TTLL3: variants seen among roughly 807,000 people sequenced by gnomAD.
The protein encoded by TTLL3 is tubulin monoglycylase TTLL3.
A neutral mutation model predicts 75.2 loss-of-function variants in TTLL3; 63 were observed. The ratio of observed to expected loss-of-function variants is 0.84; its 90% CI spans 0.68 to 1.03. The LOEUF (loss-of-function observed/expected upper bound fraction) is 1.03, where lower values mean the gene tolerates loss of function less well. Among genes scored for constraint, TTLL3 ranks in the 50% least tolerant of loss-of-function variants. The probability of loss-of-function intolerance (pLI) is 0.00; values close to 1 mark genes in which losing one functional copy is unlikely to be tolerated. For missense variants in TTLL3, 997 were observed against 1,069.9 expected (o/e 0.93, Z 0.95); for synonymous variants, 393 against 418.5 (o/e 0.94, Z 0.74).
chr3:9,810,702 C>T lies in TTLL3; in HGVS notation c.41C>T (p.Ala14Val), dbSNP rs1448815631. ...AACGCCAAAATCTACGTGGAGAGAGCTGTCAAGGTCAGAGGAGGGGCAGGG... is the reference window on the plus strand; with the variant it reads ...AACGCCAAAATCTACGTGGAGAGAGTTGTCAAGGTCAGAGGAGGGGCAGGG... ...LRNAKIYVERAVKQKKIFTIQ... is the reference protein window; with the variant it reads ...LRNAKIYVERVVKQKKIFTIQ... The change falls in exon 2 of 14, where the codon GCT becomes GTT. Residue 14 changes from alanine (A) to valine (V), a missense_variant. Ala to Val is a moderately conservative substitution (Grantham distance 64, BLOSUM62 0). Transcript: ENST00000685419. This position sits in a 1 kb window ranked among gnomAD's most constrained non-coding sequence, Gnocchi z 4.4. 3 of 1,585,796 alleles carry T rather than the reference C, an allele frequency of 1.9e-6. No homozygotes were observed. Among genetic ancestry groups the T allele is most frequent in the Admixed American group, 1.8e-5 (1 of 54,708 alleles).
chr3:9,827,064 G>A lies in TTLL3; in HGVS notation c.1071G>A (p.Lys357=), dbSNP rs1210605698. 1 of 1,614,230 alleles carries A rather than the reference G, an allele frequency of 6.2e-7. No homozygotes were observed. Among genetic ancestry groups the A allele is most frequent in the Admixed American group, 1.7e-5 (1 of 60,028 alleles). The change falls in exon 10 of 14, where the codon AAG becomes AAA. Residue 357 remains lysine, a synonymous_variant. Transcript: ENST00000685419. Reference sequence around the variant, plus strand: ...TGAACGGCAACCCCGTGGTGATGAAGGACGGCAAGTGGGTGGTGCAGAAGT... The same window carrying A: ...TGAACGGCAACCCCGTGGTGATGAAAGACGGCAAGTGGGTGGTGCAGAAGT... ...KLVNGNPVVM[K]DGKWVVQKYI...
At chr3:9,819,214 G>A in intron 7 of TTLL3, 1 of 417,276 alleles carries the variant, frequency 2.4e-6, no homozygotes, top group Non-Finnish European at 4.4e-6. Context: ...TCTACCTGAT[G>A]TCAGCTCCAT....
chr3:9,828,052 G>A (rs1048239319), intron 10 of TTLL3: 2 of 148,728 alleles, frequency 1.3e-5, no homozygotes, highest in Non-Finnish European at 3.0e-5. Context: ...CGTGACAGGA[G>A]AATTGCTTGA....
At chr3:9,830,597 C>T (rs1470143241) in intron 11 of TTLL3, among the ~76,000 whole-genome samples, 2 of 152,034 alleles carry the variant, frequency 1.3e-5, no homozygotes, top group South Asian at 4.2e-4. Context: ...AAAATGTAAA[C>T]GGGGAAATAC....
intron 10 of TTLL3, chr3:9,827,567 T>G: frequency 3.6e-6 from 1 of 280,850 alleles, no homozygotes; most frequent in Non-Finnish European, 6.9e-6. Context: ...AGCTGATTTT[T>G]AAGTTTTTTA....
At position 9,835,852 on chromosome 3, in the gene TTLL3, A is replaced by G. The variant is rs1297075895; in HGVS notation, c.*363A>G. ...GCCCTTCTGCAGAGGGCATGGGTCT[A>G]TCCCTTCTTCAGCAAGGGGCCAAGG... On this transcript the variant is annotated 3_prime_UTR_variant, in exon 14 of 14. Transcript: ENST00000685419. The G allele has an allele frequency of 9.3e-6, 2 of 215,018 alleles. No homozygotes were observed. Among genetic ancestry groups the G allele is most frequent in the Non-Finnish European group, 1.8e-5 (2 of 109,820 alleles). 13.3% of individuals were successfully genotyped at this position (215,018 alleles called of 1,614,324 possible).
At chr3:9,819,672 C>T (rs981248379) in intron 7 of TTLL3, 17 of 985,564 alleles carry the variant, frequency 1.7e-5, no homozygotes, top group African/African-American at 3.5e-5. Flanking sequence ...GGATTTAGCT[C>T]GTGTCTCCAG....
intron 12 of TTLL3, among the ~76,000 whole-genome samples, chr3:9,833,646 C>G (rs1474403069): frequency 2.6e-5 from 4 of 152,134 alleles, no homozygotes; most frequent in Non-Finnish European, 5.9e-5. Flanking sequence ...CCACCAGTAG[C>G]AAGTAAAAGC....
At chr3:9,813,389 A>C in intron 4 of TTLL3, 44 bp downstream of exon 4, 1 of 1,608,302 alleles carries the variant, frequency 6.2e-7, no homozygotes, top group Non-Finnish European at 8.5e-7. Flanking sequence ...CTGCCTGCTT[A>C]GAGGGAGGGC....
chr3:9,825,239 C>T (rs6809446), intron 8 of TTLL3, among the ~76,000 whole-genome samples: 88,551 of 151,470 alleles, frequency 0.58, 26,971 homozygotes, highest in Non-Finnish European at 0.66. Flanking sequence ...ATTCCAACTA[C>T]TTGGGAGGCT....
chr3:9,820,780 G>A (rs372339282), intron 8 of TTLL3, 39 bp downstream of exon 8: 1 of 1,610,222 alleles, frequency 6.2e-7, no homozygotes, highest in Non-Finnish European at 8.5e-7. Context: ...CTGTGGGCAG[G>A]TGCTTAGGGA....
intron 11 of TTLL3, among the ~76,000 whole-genome samples, chr3:9,832,265 T>G (rs2081624835): frequency 6.6e-6 from 1 of 151,888 alleles, no homozygotes; most frequent in Non-Finnish European, 1.5e-5. Flanking sequence ...TTTTTGTATT[T>G]TTAGTAGAGA....
rs757199787 is a variant in TTLL3, at chr3:9,835,389, A to C, written c.2348A>C (p.Lys783Thr). ...ALVLDPTPNK[K>T]KQVKYLGLDS... ...GTCCTGGATCCAACACCAAATAAAA[A>C]GAAACAAGTGAAGTATTTGGGGCTT... The change falls in exon 14 of 14, where the codon AAG becomes ACG. Residue 783 changes from lysine (K) to threonine (T), a missense_variant. Physicochemically the swap from Lys to Thr is moderately conservative, Grantham distance 78. Transcript: ENST00000685419. 2 of 1,613,980 alleles carry C rather than the reference A, an allele frequency of 1.2e-6. No homozygotes were observed.
chr3:9,828,714 A>G (rs2081274687), intron 10 of TTLL3: 1 of 564,918 alleles, frequency 1.8e-6, no homozygotes, highest in Non-Finnish European at 3.2e-6. Context: ...TGCACAAAGC[A>G]CTTACTACTG....
chr3:9,811,470 C>T (rs553901181), intron 2 of TTLL3, among the ~76,000 whole-genome samples: 11 of 152,324 alleles, frequency 7.2e-5, no homozygotes, highest in African/African-American at 2.6e-4. Context: ...ACCTCCAAAA[C>T]GATTCTCAAC....
intron 11 of TTLL3, among the ~76,000 whole-genome samples, chr3:9,831,839 C>T (rs1317142644): frequency 1.3e-5 from 2 of 150,252 alleles, no homozygotes; most frequent in South Asian, 2.1e-4. Context: ...CACTCTGCCA[C>T]CCAGGCTGGA....
Position 9,829,383 on chromosome 3 carries a change from C to T in TTLL3, c.1671C>T (p.Leu557=), listed in dbSNP as rs1298549752. ...DRNCDTGAFE[L]IYKQPAVEVP... ...ACTGTGACACAGGAGCCTTTGAGCT[C>T]ATCTATAAGCAGGTGAGGAGGTTGG... The change falls in exon 11 of 14, where the codon CTC becomes CTT. Residue 557 remains leucine, a synonymous_variant. Transcript: ENST00000685419. The T allele has an allele frequency of 6.3e-7, 1 of 1,592,902 alleles. No homozygotes were observed. Among genetic ancestry groups the T allele is most frequent in the Admixed American group, 1.7e-5 (1 of 59,010 alleles).
At chr3:9,832,958 T>G in intron 11 of TTLL3, 146 bp from the exon 12 acceptor site, 1 of 926,610 alleles carries the variant, frequency 1.1e-6, no homozygotes, top group South Asian at 1.6e-5. Context: ...GACTCAGAGG[T>G]GGGCTTTCCA....
At position 9,810,351 on chromosome 3, in the gene TTLL3, C is replaced by A; in HGVS notation, c.-85C>A. Reference sequence around the variant, plus strand: ...AGGGCGCCTCGGATACCCACCCCCTCGGCCCCCCGCACACCCCGGTCCTCG... The same window carrying A: ...AGGGCGCCTCGGATACCCACCCCCTAGGCCCCCCGCACACCCCGGTCCTCG... On this transcript the variant is annotated 5_prime_UTR_variant, in exon 1 of 14. Transcript: ENST00000685419. This position sits in a 1 kb window ranked among gnomAD's most constrained non-coding sequence, Gnocchi z 4.4. 6 of 1,414,518 alleles carry A rather than the reference C, an allele frequency of 4.2e-6. No individual in the cohort carries two copies. Among genetic ancestry groups the A allele is most frequent in the Non-Finnish European group, 5.5e-6 (6 of 1,099,734 alleles). The allele number at this position is 1,414,518 out of a possible 1,614,324, so 87.6% of individuals were successfully genotyped here.
Sources: gnomAD v4.1 joint callset for allele counts (sites outside exome capture counted in the v4.1 genomes callset) on GRCh38, gnomAD v4.1.1 for gene constraint, Gnocchi (gnomAD v3.1) non-coding constraint, MANE v1.5 for transcripts, NCBI Gene and HGNC (gene_info 2026-07-23, HGNC 2026-07-21) for gene names.